Variants in KDM4C observed in about 807,000 individuals in gnomAD.
KDM4C encodes the protein lysine-specific demethylase 4C.
Under a neutral mutation model 129.3 loss-of-function variants are expected in KDM4C, and 81 were observed. The ratio of observed to expected loss-of-function variants is 0.63; its 90% confidence interval spans 0.52 to 0.75. KDM4C has a LOEUF of 0.75. Among genes scored for constraint, KDM4C ranks in the 30% least tolerant of loss-of-function variants. The probability of loss-of-function intolerance (pLI) is 0.00; values close to 1 mark genes in which losing one functional copy is unlikely to be tolerated. For missense variants in KDM4C, 1,457 were observed against 1,304.0 expected, an observed-to-expected ratio of 1.12 and a Z score of -1.81; for synonymous variants, 573 against 456.1, an observed-to-expected ratio of 1.26 and a Z score of -3.26.
At chr9:6,839,666 G>A (rs191873357) in intron 4 of KDM4C, among the ~76,000 whole-genome samples, 1 of 152,152 alleles carries the variant, frequency 6.6e-6, no homozygotes, top group African/African-American at 2.4e-5. Context: ...CAGCACTTTT[G>A]GAGGCCGAGG....
upstream of KDM4C, among the ~76,000 whole-genome samples, chr9:6,752,910 T>C (rs1818121842): frequency 1.3e-5 from 2 of 152,152 alleles, no homozygotes; most frequent in African/African-American, 4.8e-5. Flanking sequence ...TATCCCTCAG[T>C]GATGAAAGAT....
intron 2 of KDM4C, 114 bp from the exon 3 acceptor site, chr9:6,805,485 A>G (rs1272144891): frequency 3.9e-5 from 23 of 593,876 alleles, no homozygotes; most frequent in Non-Finnish European, 5.7e-5. Flanking sequence ...TTTTTTACAC[A>G]TTTGTCATAG....
intron 8 of KDM4C, among the ~76,000 whole-genome samples, chr9:6,929,015 T>A (rs1451201542): frequency 6.6e-6 from 1 of 152,208 alleles, no homozygotes; most frequent in Non-Finnish European, 1.5e-5. Context: ...CTGCTTCATC[T>A]TCCTGCTTTC....
intron 9 of KDM4C, chr9:6,981,878 G>T: frequency 3.7e-6 from 1 of 271,056 alleles, no homozygotes; most frequent in African/African-American, 2.2e-5. Context: ...GAGGAAATTT[G>T]TAAAATAAGG....
intron 1 of KDM4C, among the ~76,000 whole-genome samples, chr9:6,744,455 G>A (rs982436398): frequency 6.6e-6 from 1 of 152,112 alleles, no homozygotes; most frequent in African/African-American, 2.4e-5. Flanking sequence ...AACCTGGGAG[G>A]CGGAGGTTGC....
chr9:7,065,994 TA>T (rs35817401), intron 17 of KDM4C, among the ~76,000 whole-genome samples: 81,626 of 144,094 alleles, frequency 0.57, 23,356 homozygotes, highest in South Asian at 0.68. Context: ...GTAACAGCTT[TA>T]AAAAAAAAAA....
At chr9:7,064,519 C>T (rs1832147793) in intron 17 of KDM4C, among the ~76,000 whole-genome samples, 1 of 152,098 alleles carries the variant, frequency 6.6e-6, no homozygotes, top group Non-Finnish European at 1.5e-5. Context: ...GTTGGTCAGG[C>T]TTGGTGAATA....
intron 1 of KDM4C, among the ~76,000 whole-genome samples, chr9:6,792,474 A>G (rs1588295621): frequency 6.6e-6 from 1 of 151,996 alleles, no homozygotes; most frequent in Non-Finnish European, 1.5e-5. Context: ...CTGCAACTTC[A>G]GCCTCCCAGG....
At chr9:7,056,790 C>T (rs1830930441) in intron 17 of KDM4C, among the ~76,000 whole-genome samples, 1 of 152,142 alleles carries the variant, frequency 6.6e-6, no homozygotes, top group African/African-American at 2.4e-5. Context: ...TTGACGAATG[C>T]TCCATTTTTT....
chr9:7,102,203 C>T (rs1382669456), intron 17 of KDM4C, among the ~76,000 whole-genome samples: 2 of 151,596 alleles, frequency 1.3e-5, no homozygotes, highest in East Asian at 3.9e-4. Flanking sequence ...ATAAGGAAAT[C>T]ACATAAGTAC....
intron 8 of KDM4C, among the ~76,000 whole-genome samples, chr9:6,977,941 A>C (rs916628556): frequency 5.9e-5 from 9 of 152,126 alleles, no homozygotes; most frequent in Admixed American, 5.2e-4. Context: ...TGTTGCTTCC[A>C]CTTTTTCAGT....
intron 4 of KDM4C, among the ~76,000 whole-genome samples, chr9:6,826,614 C>A (rs1033142807): frequency 3.9e-5 from 6 of 152,066 alleles, no homozygotes; most frequent in Non-Finnish European, 7.4e-5. Context: ...GCCTGTGATC[C>A]CAGCACTTTG....
intron 15 of KDM4C, among the ~76,000 whole-genome samples, chr9:7,034,043 G>C (rs1490544563): frequency 3.3e-5 from 5 of 151,930 alleles, no homozygotes; most frequent in Admixed American, 2.0e-4. Flanking sequence ...TGGGGCATCA[G>C]TTGGTCTCTC....
chr9:6,950,705 A>G (rs1482350240), intron 8 of KDM4C, among the ~76,000 whole-genome samples: 1 of 152,226 alleles, frequency 6.6e-6, no homozygotes, highest in African/African-American at 2.4e-5. Context: ...GCTGCTTATT[A>G]TCATTTACAT....
chr9:6,798,181 G>T (rs1464040000), intron 2 of KDM4C, among the ~76,000 whole-genome samples: 1 of 151,960 alleles, frequency 6.6e-6, no homozygotes, highest in Non-Finnish European at 1.5e-5. Context: ...AGTTTATTGT[G>T]TGCCTTGCTT....
chr9:7,092,137 C>T (rs1418929892), intron 17 of KDM4C, among the ~76,000 whole-genome samples: 1 of 152,058 alleles, frequency 6.6e-6, no homozygotes, highest in Non-Finnish European at 1.5e-5. Flanking sequence ...TCTTCTTCAT[C>T]CTTGAAAGAA....
intron 8 of KDM4C, among the ~76,000 whole-genome samples, chr9:6,938,897 T>A (rs1825317022): frequency 6.6e-6 from 1 of 152,142 alleles, no homozygotes; most frequent in Non-Finnish European, 1.5e-5. Flanking sequence ...TTACTCATGT[T>A]TCATTTATGA....
chr9:7,053,070 C>G (rs1830429581), intron 17 of KDM4C, among the ~76,000 whole-genome samples: 1 of 152,238 alleles, frequency 6.6e-6, no homozygotes, highest in East Asian at 1.9e-4. Context: ...AAGTAATAAA[C>G]AACACTAGTA....
At chr9:6,807,268 A>G (rs923623654) in intron 3 of KDM4C, among the ~76,000 whole-genome samples, 2 of 151,982 alleles carry the variant, frequency 1.3e-5, no homozygotes, top group Admixed American at 6.5e-5. Context: ...TTGGCCTCCC[A>G]AAGTGCCGAG....
Sources: gnomAD v4.1 joint callset for allele counts (sites outside exome capture counted in the v4.1 genomes callset) on GRCh38, gnomAD v4.1.1 for gene constraint, MANE v1.5 for transcripts, NCBI Gene and HGNC (gene_info 2026-07-23, HGNC 2026-07-21) for gene names.